ZHX2: variants seen among roughly 807,000 people sequenced by gnomAD.
The protein encoded by ZHX2 is zinc fingers and homeoboxes protein 2.
ZHX2 carries 6 observed loss-of-function variants against 21.9 expected under a neutral mutation model. The ratio of observed to expected loss-of-function variants is 0.27; its 90% CI spans 0.15 to 0.54. The LOEUF (loss-of-function observed/expected upper bound fraction) is 0.54, where lower values mean the gene tolerates loss of function less well. Among genes scored for constraint, ZHX2 ranks in the 20% least tolerant of loss-of-function variants. The pLI, the probability that ZHX2 is intolerant of heterozygous loss-of-function variation, is 0.95. For missense variants in ZHX2, 908 were observed against 1,090.7 expected (o/e 0.83, Z 2.36); for synonymous variants, 434 against 437.1 (o/e 0.99, Z 0.09).
chr8:122,944,194 C>G (rs1812913777), intron 2 of ZHX2, among the ~76,000 whole-genome samples: 1 of 152,114 alleles, frequency 6.6e-6, no homozygotes, highest in Non-Finnish European at 1.5e-5. Context: ...ACAGACTGGT[C>G]AAATCCCAGC....
At chr8:122,866,333 C>T (rs1454688932) in intron 2 of ZHX2, among the ~76,000 whole-genome samples, 1 of 152,160 alleles carries the variant, frequency 6.6e-6, no homozygotes, top group Non-Finnish European at 1.5e-5. Flanking sequence ...CTCCCCCCCA[C>T]CCCAGGATTT....
At chr8:122,846,093 G>A (rs562034014) in intron 1 of ZHX2, among the ~76,000 whole-genome samples, 8 of 152,290 alleles carry the variant, frequency 5.3e-5, no homozygotes, top group East Asian at 1.9e-4. Context: ...TCAGAGATAC[G>A]TAGAGCATCT....
intron 2 of ZHX2, among the ~76,000 whole-genome samples, chr8:122,896,861 A>G (rs559469607): frequency 1.3e-5 from 2 of 152,372 alleles, no homozygotes; most frequent in South Asian, 4.1e-4. Context: ...GTCATCAGGG[A>G]AAGAACAGTG....
intron 2 of ZHX2, among the ~76,000 whole-genome samples, chr8:122,932,387 C>T (rs1215359587): frequency 6.6e-6 from 1 of 152,198 alleles, no homozygotes; most frequent in African/African-American, 2.4e-5. Flanking sequence ...CGGGCCGGCT[C>T]CTTCTGGAGG....
At chr8:122,891,257 C>T (rs1171860769) in intron 2 of ZHX2, among the ~76,000 whole-genome samples, 1 of 144,618 alleles carries the variant, frequency 6.9e-6, no homozygotes, top group Non-Finnish European at 1.5e-5. Context: ...CTTCCTGGTT[C>T]AATCTTGGTA....
At chr8:122,879,393 G>A (rs1034629792) in intron 2 of ZHX2, among the ~76,000 whole-genome samples, 1 of 152,028 alleles carries the variant, frequency 6.6e-6, no homozygotes, top group African/African-American at 2.4e-5. Context: ...TTTTAGTAGA[G>A]ATGGGGTTTC....
intron 2 of ZHX2, among the ~76,000 whole-genome samples, chr8:122,903,532 G>A (rs1169572380): frequency 2.6e-5 from 4 of 152,152 alleles, no homozygotes; most frequent in South Asian, 2.1e-4. Flanking sequence ...TGGAGTGAGC[G>A]GGGAGCAGAC....
intron 2 of ZHX2, among the ~76,000 whole-genome samples, chr8:122,925,753 G>A (rs551058367): frequency 6.6e-6 from 1 of 152,320 alleles, no homozygotes; most frequent in Admixed American, 6.5e-5. Context: ...AGAAGCCCAG[G>A]CTCTCTAAGC....
chr8:122,929,215 T>A (rs9886612), intron 2 of ZHX2, among the ~76,000 whole-genome samples: 55,210 of 152,112 alleles, frequency 0.36, 12,548 homozygotes, highest in African/African-American at 0.65. Context: ...CTTTCCCTGT[T>A]TGCCTGCTTT....
chr8:122,902,029 A>T (rs962145675), intron 2 of ZHX2, among the ~76,000 whole-genome samples: 5 of 152,202 alleles, frequency 3.3e-5, no homozygotes, highest in Non-Finnish European at 5.9e-5. Context: ...GTGAAAAAAA[A>T]AAAGAATGTT....
chr8:122,910,733 G>A (rs1001589173), intron 2 of ZHX2, among the ~76,000 whole-genome samples: 6 of 150,790 alleles, frequency 4.0e-5, no homozygotes, highest in Non-Finnish European at 5.9e-5. Context: ...GCAGGCCCCT[G>A]CTGGGGGGTG....
At chr8:122,955,768 T>C (rs1035610992) in intron 3 of ZHX2, among the ~76,000 whole-genome samples, 1 of 151,358 alleles carries the variant, frequency 6.6e-6, no homozygotes, top group Non-Finnish European at 1.5e-5. Flanking sequence ...CCTGGCCACC[T>C]CTGGCCATTC....
At chr8:122,840,032 C>CTGGTACA (rs1818592145) in intron 1 of ZHX2, among the ~76,000 whole-genome samples, 2 of 152,176 alleles carry the variant, frequency 1.3e-5, no homozygotes, top group African/African-American at 4.8e-5. Flanking sequence ...GCAGAAGAGG[C>CTGGTACA]TGGTACATGG....
rs141614349 is a variant in ZHX2 at position 122,816,692 on chromosome 8, CA to C, written c.-283+34747del. On this transcript the variant is annotated intron_variant, in intron 1 of 3. Transcript: ENST00000314393. ...GCCTAGGGCTTACAAAAGTCATATG[CA>C]GCCTTTACAAATATTAGCTCAGTCA... 2.2e-3 allele frequency among the ~76,000 whole-genome samples: 337 copies of C among 151,994 alleles called. 2 individuals are homozygous for C. The highest frequency in any genetic ancestry group is 7.6e-3 in the African/African-American group (313 of 41,452).
intron 3 of ZHX2, among the ~76,000 whole-genome samples, chr8:122,970,424 G>A (rs1813691073): frequency 6.6e-6 from 1 of 152,208 alleles, no homozygotes; most frequent in African/African-American, 2.4e-5. Flanking sequence ...TGCTTGCTTT[G>A]CACCCTGTCT....
chr8:122,791,812 C>T (rs1817523453), intron 1 of ZHX2, among the ~76,000 whole-genome samples: 1 of 151,432 alleles, frequency 6.6e-6, no homozygotes, highest in African/African-American at 2.4e-5. Context: ...TTGCAATGAG[C>T]CGAGATCATG....
At chr8:122,858,087 C>G (rs925524086) in intron 1 of ZHX2, among the ~76,000 whole-genome samples, 1 of 152,176 alleles carries the variant, frequency 6.6e-6, no homozygotes, top group African/African-American at 2.4e-5. Flanking sequence ...GGGCCGAGCT[C>G]GGGCCCCACG....
chr8:122,825,285 C>T (rs972995662), intron 1 of ZHX2, among the ~76,000 whole-genome samples: 3 of 152,182 alleles, frequency 2.0e-5, no homozygotes, highest in African/African-American at 7.2e-5. Flanking sequence ...CCCATTGTCA[C>T]AGTACTTGTC....
At chr8:122,926,634 C>T (rs957115120) in intron 2 of ZHX2, among the ~76,000 whole-genome samples, 2 of 152,142 alleles carry the variant, frequency 1.3e-5, no homozygotes, top group African/African-American at 2.4e-5. Context: ...CTTCCTCGTT[C>T]GGCTGGTCCT....
Sources: allele counts gnomAD v4.1 joint callset (sites outside exome capture counted in the v4.1 genomes callset), GRCh38; gene constraint gnomAD v4.1.1; transcripts MANE v1.5; gene names NCBI Gene and HGNC (gene_info 2026-07-23, HGNC 2026-07-21).